IKBKB-DT: variants seen among roughly 807,000 people sequenced by gnomAD.
IKBKB-DT encodes the protein IKBKB divergent transcript.
chr8:42,269,191 G>A (rs968561749), intron 1 of IKBKB-DT, among the ~76,000 whole-genome samples: 14 of 150,796 alleles, frequency 9.3e-5, no homozygotes, highest in Admixed American at 2.0e-4. Flanking sequence ...ATGGTGGCAC[G>A]TGCCTGTAAT....
chr8:42,270,595 G>A (rs1008996253), intron 1 of IKBKB-DT: 12 of 152,182 alleles, frequency 7.9e-5, no homozygotes, highest in African/African-American at 2.4e-4. Context: ...ATCATCTTCA[G>A]GTTCCTTTGG....
At chr8:42,250,750 G>C (rs1409399516) in intron 3 of IKBKB-DT, among the ~76,000 whole-genome samples, 1 of 152,112 alleles carries the variant, frequency 6.6e-6, no homozygotes, top group African/African-American at 2.4e-5. Context: ...GGTTTCAGTG[G>C]TGTGTGTCTG....
intron 2 of IKBKB-DT, among the ~76,000 whole-genome samples, chr8:42,264,115 CT>C (rs201614669): frequency 2.2e-4 from 30 of 136,362 alleles, no homozygotes; most frequent in Middle Eastern, 3.8e-3. Flanking sequence ...CCCAGCTGGG[CT>C]TTTTTTTTTG....
At chr8:42,244,820 G>A (rs1019310264) in intron 3 of IKBKB-DT, among the ~76,000 whole-genome samples, 1 of 152,222 alleles carries the variant, frequency 6.6e-6, no homozygotes, top group Non-Finnish European at 1.5e-5. Flanking sequence ...AGGCTGAACT[G>A]CACTTCAGTG....
chr8:42,254,870 G>T (rs1807175762), intron 3 of IKBKB-DT, among the ~76,000 whole-genome samples: 1 of 151,068 alleles, frequency 6.6e-6, no homozygotes, highest in South Asian at 2.1e-4. Context: ...GAAGTGAGGA[G>T]TGCCTCTGTC....
intron 3 of IKBKB-DT, among the ~76,000 whole-genome samples, chr8:42,260,504 T>C (rs1807271045): frequency 6.6e-6 from 1 of 151,772 alleles, no homozygotes; most frequent in Non-Finnish European, 1.5e-5. Flanking sequence ...TTTTAAACCC[T>C]ACTTAAAATA....
intron 3 of IKBKB-DT, among the ~76,000 whole-genome samples, chr8:42,240,731 C>T (rs183512068): frequency 6.6e-6 from 1 of 150,882 alleles, no homozygotes; most frequent in Admixed American, 6.6e-5. Flanking sequence ...AATCCCAGCA[C>T]TTTGAGAGGC....
rs922032909 is a variant in IKBKB-DT at position 42,262,906 on chromosome 8, A to T, written n.1529+423T>A. ...GGCGAACACCACCATGCCTGGCTAAATTTTTTGTATTTTTAGTAGAGACAG... is the reference window on the plus strand; with the variant it reads ...GGCGAACACCACCATGCCTGGCTAATTTTTTTGTATTTTTAGTAGAGACAG... On this transcript the variant is annotated intron_variant and non_coding_transcript_variant, in intron 3 of 3. Transcript: ENST00000518213. 7.8e-4 allele frequency among the ~76,000 whole-genome samples: 119 copies of T among 151,640 alleles called. 1 individual carries two copies. The highest frequency in any genetic ancestry group is 1.5e-3 in the Non-Finnish European group (101 of 67,902).
At chr8:42,250,556 A>C (rs894877619) in intron 3 of IKBKB-DT, among the ~76,000 whole-genome samples, 3 of 152,184 alleles carry the variant, frequency 2.0e-5, no homozygotes, top group Admixed American at 2.0e-4. Flanking sequence ...TTTAAACTAT[A>C]AACTAAATGT....
intron 3 of IKBKB-DT, among the ~76,000 whole-genome samples, chr8:42,234,513 A>G (rs893919730): frequency 6.6e-6 from 1 of 152,280 alleles, no homozygotes; most frequent in Non-Finnish European, 1.5e-5. Flanking sequence ...AGACAGGAAG[A>G]TAAATCTGAT....
At chr8:42,268,005 G>A (rs764459922) in intron 1 of IKBKB-DT, among the ~76,000 whole-genome samples, 4 of 152,204 alleles carry the variant, frequency 2.6e-5, no homozygotes, top group African/African-American at 7.2e-5. Flanking sequence ...GCATATTAGC[G>A]GACATCTTGG....
At chr8:42,256,404 A>C (rs1049682007) in intron 3 of IKBKB-DT, among the ~76,000 whole-genome samples, 1 of 147,270 alleles carries the variant, frequency 6.8e-6, no homozygotes, top group Non-Finnish European at 1.5e-5. Flanking sequence ...TCTACCAAAA[A>C]TACAAAAAAA....
chr8:42,260,407 TA>T (rs1807269709), intron 3 of IKBKB-DT, among the ~76,000 whole-genome samples: 2 of 152,142 alleles, frequency 1.3e-5, no homozygotes, highest in African/African-American at 4.8e-5. Flanking sequence ...GGCTCATGCC[TA>T]TAATCCCAGC....
At chr8:42,257,929 T>C (rs1016794870) in intron 3 of IKBKB-DT, among the ~76,000 whole-genome samples, 1 of 150,416 alleles carries the variant, frequency 6.6e-6, no homozygotes, top group African/African-American at 2.5e-5. Flanking sequence ...TATACAGTTT[T>C]CTTTTTTTTT....
At chr8:42,242,592 C>T (rs1020516344) in intron 3 of IKBKB-DT, among the ~76,000 whole-genome samples, 4 of 152,148 alleles carry the variant, frequency 2.6e-5, no homozygotes, top group Non-Finnish European at 5.9e-5. Flanking sequence ...TCTTCTGCCA[C>T]CCTGTACAGC....
chr8:42,257,970 C>T (rs373402379), intron 3 of IKBKB-DT, among the ~76,000 whole-genome samples: 13 of 149,636 alleles, frequency 8.7e-5, no homozygotes, highest in East Asian at 7.8e-4. Flanking sequence ...ACAGAGAAGA[C>T]TGAGTCTTCT....
chr8:42,246,109 T>C (rs1052404453), intron 3 of IKBKB-DT, among the ~76,000 whole-genome samples: 1 of 152,202 alleles, frequency 6.6e-6, no homozygotes, highest in Non-Finnish European at 1.5e-5. Flanking sequence ...CAGTCACAGC[T>C]CACTGCAGCG....
intron 3 of IKBKB-DT, among the ~76,000 whole-genome samples, chr8:42,242,731 A>T (rs1807019521): frequency 6.6e-6 from 1 of 152,104 alleles, no homozygotes. Context: ...GTGTCCCCTC[A>T]TGCATGCTGA....
chr8:42,240,529 G>T (rs1029380092), intron 3 of IKBKB-DT, among the ~76,000 whole-genome samples: 4 of 148,254 alleles, frequency 2.7e-5, no homozygotes, highest in Non-Finnish European at 5.9e-5. Flanking sequence ...GGAGGCTGAG[G>T]CAGGAGAATG....
Sources: gnomAD v4.1 joint callset for allele counts (sites outside exome capture counted in the v4.1 genomes callset) on GRCh38, gnomAD v4.1.1 for gene constraint, MANE v1.5 for transcripts, NCBI Gene and HGNC (gene_info 2026-07-23, HGNC 2026-07-21) for gene names.